Variants in FAM161A observed in about 807,000 individuals in gnomAD.
FAM161A encodes FAM161 centrosomal protein A, also known as protein FAM161A.
Under a neutral mutation model 70.9 loss-of-function variants are expected in FAM161A, and 57 were observed. That is an observed-to-expected ratio of 0.80 (90% confidence interval 0.65 to 1.00). FAM161A has a LOEUF of 1.00. Among genes scored for constraint, FAM161A ranks in the 50% least tolerant of loss-of-function variants. FAM161A has a pLI of 0.00. For missense variants in FAM161A, 880 were observed against 836.0 expected (o/e 1.05, Z -0.65); for synonymous variants, 299 against 295.7 (o/e 1.01, Z -0.12).
downstream of FAM161A, among the ~76,000 whole-genome samples, chr2:61,820,817 G>A (rs1345934249): frequency 6.6e-6 from 1 of 152,136 alleles, no homozygotes; most frequent in Non-Finnish European, 1.5e-5. Context: ...TTGACATTAG[G>A]TGATGGGCAC....
At chr2:61,820,853 C>A (rs1203755948), downstream of FAM161A, among the ~76,000 whole-genome samples, 1 of 152,084 alleles carries the variant, frequency 6.6e-6, no homozygotes, top group Admixed American at 6.6e-5. Context: ...CTACAAAATA[C>A]CTTCCTACAA....
chr2:61,802,685 T>C, the FAM161A span, among the ~76,000 whole-genome samples: 4 of 152,228 alleles, frequency 2.6e-5, no homozygotes, highest in African/African-American at 9.6e-5. Context: ...TATATTCAAA[T>C]GAGTGTCAGT....
In FAM161A at chr2:61,827,125, CTT is replaced by C. The variant is rs1411292217; in HGVS notation, c.1983_1984del (p.Ser662CysfsTer3). 6.2e-7 allele frequency: 1 copy of C among 1,613,878 alleles called. No homozygotes were observed. The highest frequency in any genetic ancestry group is 1.3e-5 in the African/African-American group (1 of 75,038). On this transcript the variant is annotated frameshift_variant, in exon 6 of 7. Coordinates refer to ENST00000404929, the MANE Select transcript of FAM161A (RefSeq NM_001201543.2). LOFTEE classifies it high-confidence loss of function. ...TTACCTTTCTTTGTCTTCAGTGACA[CTT>C]TTCGTCTCTTGATTGTTGAAGTACT...
At chr2:61,804,720 G>T in the FAM161A span, among the ~76,000 whole-genome samples, 1 of 142,108 alleles carries the variant, frequency 7.0e-6, no homozygotes, top group East Asian at 2.1e-4. Context: ...GAAAGAGAAA[G>T]AAAGAAAGAA....
At chr2:61,823,291 C>T (rs1385202216), downstream of FAM161A, among the ~76,000 whole-genome samples, 6 of 148,368 alleles carry the variant, frequency 4.0e-5, no homozygotes, top group Admixed American at 1.4e-4. Flanking sequence ...CAAGATCGCA[C>T]CACTGCACTC....
chr2:61,827,157 T>C lies in FAM161A; in HGVS notation c.1953A>G (p.Val651=). 1 of 1,614,032 alleles carries C rather than the reference T, an allele frequency of 6.2e-7. No individual in the cohort carries two copies. The highest frequency in any genetic ancestry group is 8.5e-7 in the Non-Finnish European group (1 of 1,179,986). The change falls in exon 6 of 7, where the codon GTA becomes GTG. Residue 651 remains valine, a synonymous_variant. Coordinates refer to ENST00000404929, the MANE Select transcript of FAM161A (RefSeq NM_001201543.2). ...FVSKKGQSGK[V]LEYFNNQETK... ...TCTCTTGATTGTTGAAGTACTCAAG[T>C]ACTTTTCCACTTTGGCCTTTCTTTG...
At chr2:61,801,722 G>C in the FAM161A span, among the ~76,000 whole-genome samples, 1 of 151,850 alleles carries the variant, frequency 6.6e-6, no homozygotes, top group Non-Finnish European at 1.5e-5. Context: ...CACCACGCCT[G>C]GCTAATTTTT....
chr2:61,831,720 G>A (rs1383563192), intron 5 of FAM161A, among the ~76,000 whole-genome samples: 1 of 152,110 alleles, frequency 6.6e-6, no homozygotes, highest in Non-Finnish European at 1.5e-5. Flanking sequence ...CAGTGTAAAG[G>A]TCAGTTAAGA....
the FAM161A span, among the ~76,000 whole-genome samples, chr2:61,813,830 G>A: frequency 1.4e-4 from 22 of 151,996 alleles, no homozygotes; most frequent in African/African-American, 7.3e-5. Context: ...TGTATTGGTC[G>A]TTCACTCAAA....
At chr2:61,828,683 C>A (rs1672466229) in intron 5 of FAM161A, among the ~76,000 whole-genome samples, 1 of 152,126 alleles carries the variant, frequency 6.6e-6, no homozygotes, top group Non-Finnish European at 1.5e-5. Flanking sequence ...AGCCATATCC[C>A]CAATCCATTA....
chr2:61,853,759 G>T, intron 1 of FAM161A, 100 bp downstream of exon 1: 1 of 1,362,596 alleles, frequency 7.3e-7, no homozygotes, highest in Non-Finnish European at 1.0e-6. Context: ...ACAGGGACCC[G>T]CGTTTACCAG....
rs1461467468 is a variant in FAM161A, at chr2:61,848,824, A to ATT, written c.183+5034_183+5035insAA. Among the ~76,000 whole-genome samples, 56 of 10,376 alleles carry ATT rather than the reference A, an allele frequency of 5.4e-3. 22 individuals are homozygous for ATT. Among genetic ancestry groups the ATT allele is most frequent in the Admixed American group, 8.4e-3 (6 of 712 alleles). 6.8% of individuals were successfully genotyped at this position (10,376 alleles called of 152,430 possible). Reference sequence around the variant, plus strand: ...TGTCTATATATATATTTATATATATATATCTATATATATTTATATATATAT... The same window carrying ATT: ...TGTCTATATATATATTTATATATATATTTATCTATATATATTTATATATATAT... On this transcript the variant is annotated intron_variant, in intron 1 of 6. Coordinates refer to ENST00000404929, the MANE Select transcript of FAM161A (RefSeq NM_001201543.2).
intron 6 of FAM161A, 27 bp from the exon 7 acceptor site, chr2:61,826,626 C>A (rs1390722252): frequency 1.3e-6 from 2 of 1,590,410 alleles, no homozygotes; most frequent in East Asian, 4.5e-5. Flanking sequence ...ATCAATCTTT[C>A]AAAGGAAAAA....
downstream of FAM161A, among the ~76,000 whole-genome samples, chr2:61,823,075 C>T (rs1672239318): frequency 6.6e-6 from 1 of 151,218 alleles, no homozygotes. Flanking sequence ...TGGCTCATGC[C>T]TGTAATCCCA....
chr2:61,801,422 A>G, the FAM161A span, among the ~76,000 whole-genome samples: 1 of 151,810 alleles, frequency 6.6e-6, no homozygotes, highest in African/African-American at 2.4e-5. Flanking sequence ...ACTTGAATCC[A>G]AGAGGCAGAG....
At chr2:61,842,974 C>T (rs1673075268) in intron 1 of FAM161A, among the ~76,000 whole-genome samples, 1 of 152,196 alleles carries the variant, frequency 6.6e-6, no homozygotes, top group Admixed American at 6.5e-5. Context: ...TTCAGGGTAG[C>T]TGCTTCTGTG....
the FAM161A span, among the ~76,000 whole-genome samples, chr2:61,805,927 C>T: frequency 6.6e-6 from 1 of 152,070 alleles, no homozygotes; most frequent in Non-Finnish European, 1.5e-5. Context: ...TAAAAATTAA[C>T]CTGTTCTCAG....
chr2:61,801,441 G>A, the FAM161A span, among the ~76,000 whole-genome samples: 2 of 150,618 alleles, frequency 1.3e-5, no homozygotes, highest in Admixed American at 1.3e-4. Flanking sequence ...AGGTTGCAGT[G>A]AGCCAAAATC....
chr2:61,807,781 C>T, the FAM161A span, among the ~76,000 whole-genome samples: 1 of 151,956 alleles, frequency 6.6e-6, no homozygotes, highest in Non-Finnish European at 1.5e-5. Context: ...GCTGGGACTA[C>T]AGGCACACAG....
Sources: gnomAD v4.1 joint callset for allele counts (sites outside exome capture counted in the v4.1 genomes callset) on GRCh38, gnomAD v4.1.1 for gene constraint, MANE v1.5 for transcripts, NCBI Gene and HGNC (gene_info 2026-07-23, HGNC 2026-07-21) for gene names.